CISD2: variants seen among roughly 807,000 people sequenced by gnomAD.
The protein encoded by CISD2 is CDGSH iron-sulfur domain-containing protein 2.
CISD2 carries 1 observed loss-of-function variant against 12.9 expected under a neutral mutation model. The ratio of observed to expected loss-of-function variants is 0.08; its 90% confidence interval spans 0.03 to 0.37. The LOEUF (loss-of-function observed/expected upper bound fraction) is 0.37. Among genes scored for constraint, CISD2 ranks in the 10% least tolerant of loss-of-function variants. CISD2 has a pLI of 0.99. For missense variants in CISD2, 97 were observed against 163.1 expected, an observed-to-expected ratio of 0.59 and a Z score of 2.21; for synonymous variants, 50 against 60.6, an observed-to-expected ratio of 0.83 and a Z score of 0.81.
intron 2 of CISD2, among the ~76,000 whole-genome samples, chr4:102,887,023 G>A (rs1733962044): frequency 6.6e-6 from 1 of 152,116 alleles, no homozygotes; most frequent in Admixed American, 6.5e-5. Context: ...TTAAGCAATA[G>A]GTGAGCTCGA....
At chr4:102,880,892 C>T (rs533083837) in intron 1 of CISD2, among the ~76,000 whole-genome samples, 2 of 150,528 alleles carry the variant, frequency 1.3e-5, no homozygotes, top group East Asian at 3.9e-4. Context: ...CTCGGGAGGT[C>T]ACTGAGGCAC....
At chr4:102,877,884 G>A (rs1052859227) in intron 1 of CISD2, among the ~76,000 whole-genome samples, 3 of 152,178 alleles carry the variant, frequency 2.0e-5, no homozygotes, top group African/African-American at 7.2e-5. Flanking sequence ...TTTTAGCCAT[G>A]GCTGGGACAC....
chr4:102,873,424 A>C lies in CISD2; in HGVS notation c.103+4237A>C, dbSNP rs143132761. ...GTAGCTGGTACTACAGGTGCACGCT[A>C]CCACACCTGGCTCATTTTTTTGTAT... On this transcript the variant is annotated intron_variant, in intron 1 of 2. Transcript: ENST00000273986. Among the ~76,000 whole-genome samples, 22 of 152,102 alleles carry C rather than the reference A, an allele frequency of 1.4e-4. No individual in the cohort carries two copies. In the East Asian group the frequency reaches 4.3e-3, roughly 29 times the overall value.
chr4:102,874,734 C>G (rs1733551048), intron 1 of CISD2: 1 of 152,228 alleles, frequency 6.6e-6, no homozygotes, highest in African/African-American at 2.4e-5. Context: ...AGCACGAACA[C>G]ATTGTTCTCT....
At chr4:102,869,543 A>T (rs890978598) in intron 1 of CISD2, 12 of 701,872 alleles carry the variant, frequency 1.7e-5, no homozygotes, top group Non-Finnish European at 2.6e-6. Flanking sequence ...AAAGCGGGCT[A>T]AGTCGTCGTT....
At chr4:102,873,754 T>C (rs1238929082) in intron 1 of CISD2, among the ~76,000 whole-genome samples, 1 of 134,560 alleles carries the variant, frequency 7.4e-6, no homozygotes, top group Admixed American at 7.5e-5. Flanking sequence ...AAAAAAGGGA[T>C]GTAAAAGTCA....
In CISD2 at chr4:102,891,416, GACAATTT is replaced by G. The variant is rs1734243599; in HGVS notation, c.*3988_*3994del. ...GAACATTAAAGGCATAGCAGCTTGA[GACAATTT>G]ATAGGATTCTGCATACAACTGTCTC... is the stretch of plus-strand genomic sequence containing the variant. On this transcript the variant is annotated 3_prime_UTR_variant, in exon 3 of 3. Coordinates refer to ENST00000273986, the MANE Select transcript of CISD2 (RefSeq NM_001008388.5). 6.6e-6 allele frequency: 1 copy of G among 152,182 alleles called. No homozygotes were observed. The highest frequency in any genetic ancestry group is 1.5e-5 in the Non-Finnish European group (1 of 68,030). The allele number at this position is 152,182 out of a possible 1,614,324, so 9.4% of individuals were successfully genotyped here.
chr4:102,875,333 T>C (rs558280071), intron 1 of CISD2, among the ~76,000 whole-genome samples: 1 of 152,268 alleles, frequency 6.6e-6, no homozygotes, highest in Non-Finnish European at 1.5e-5. Context: ...TGCTTCTGTA[T>C]TATTGCTGAT....
chr4:102,882,708 T>A (rs1476195294), intron 1 of CISD2: 1 of 152,548 alleles, frequency 6.6e-6, no homozygotes, highest in African/African-American at 2.4e-5. Flanking sequence ...TTACTTAATT[T>A]TAATTTATTT....
chr4:102,874,893 C>T (rs1333307508), intron 1 of CISD2, among the ~76,000 whole-genome samples: 1 of 152,166 alleles, frequency 6.6e-6, no homozygotes, highest in East Asian at 1.9e-4. Flanking sequence ...TGTCTTCTTC[C>T]ACTAGCCCTC....
chr4:102,890,925 A>G lies in CISD2; in HGVS notation c.*3495A>G, dbSNP rs1393266850. On this transcript the variant is annotated 3_prime_UTR_variant, in exon 3 of 3. Coordinates refer to ENST00000273986, the MANE Select transcript of CISD2 (RefSeq NM_001008388.5). The stretch of plus-strand genomic sequence containing the variant: ...GTACGAAGTTCGTAGGACAGGAGGA[A>G]ACCAATATAAATATCTCAGCATTGT... 1 of 150,142 alleles carries G rather than the reference A, an allele frequency of 6.7e-6. No homozygotes were observed. The highest frequency in any genetic ancestry group is 1.5e-5 in the Non-Finnish European group (1 of 67,930). The allele number at this position is 150,142 out of a possible 1,614,324, so 9.3% of individuals were successfully genotyped here.
chr4:102,878,760 C>T (rs562831178), intron 1 of CISD2, among the ~76,000 whole-genome samples: 1 of 152,320 alleles, frequency 6.6e-6, no homozygotes, highest in East Asian at 1.9e-4. Flanking sequence ...CTGAGCCCTC[C>T]AAAGTGTTCC....
intron 1 of CISD2, chr4:102,869,394 T>G: frequency 2.7e-6 from 2 of 732,228 alleles, no homozygotes; most frequent in Non-Finnish European, 4.8e-6. Flanking sequence ...CCCAGGGTCT[T>G]TTGTCCTCGG....
chr4:102,869,351 A>G (rs979150647), intron 1 of CISD2, 164 bp downstream of exon 1: 15 of 923,874 alleles, frequency 1.6e-5, no homozygotes, highest in Non-Finnish European at 2.2e-5. Context: ...TGCCTGGGGA[A>G]CGCCTGTGAG....
chr4:102,872,074 A>T (rs1011895948), intron 1 of CISD2, among the ~76,000 whole-genome samples: 1 of 152,116 alleles, frequency 6.6e-6, no homozygotes, highest in Non-Finnish European at 1.5e-5. Context: ...TGTTTAACTT[A>T]GGTTTTTGTT....
At chr4:102,869,284 C>G (rs1036757690) in intron 1 of CISD2, 97 bp downstream of exon 1, 4 of 1,476,564 alleles carry the variant, frequency 2.7e-6, no homozygotes, top group Non-Finnish European at 3.7e-6. Context: ...GGACGGAGCT[C>G]GGCGCCTGGC....
rs1316442192 is a variant in CISD2 at position 102,889,405 on chromosome 4, TC to T, written c.*1976del. On this transcript the variant is annotated 3_prime_UTR_variant, in exon 3 of 3. Coordinates refer to ENST00000273986, the MANE Select transcript of CISD2 (RefSeq NM_001008388.5). ...ATCCTGATCTGTGTTCATGAAATGC[TC>T]TTCTTTTTGTAAAATCTATCACTGC... 1 of 152,214 alleles carries T rather than the reference TC, an allele frequency of 6.6e-6. No homozygotes were observed. Among genetic ancestry groups the T allele is most frequent in the Non-Finnish European group, 1.5e-5 (1 of 68,044 alleles). 9.4% of individuals were successfully genotyped at this position (152,214 alleles called of 1,614,324 possible).
chr4:102,879,943 A>T (rs1378862437), intron 1 of CISD2, among the ~76,000 whole-genome samples: 5 of 151,520 alleles, frequency 3.3e-5, no homozygotes, highest in Non-Finnish European at 7.4e-5. Context: ...TTTATTTTTT[A>T]TTTTTTTTAT....
At chr4:102,882,913 A>AT (rs1733758949) in intron 1 of CISD2, 1 of 151,830 alleles carries the variant, frequency 6.6e-6, no homozygotes, top group Admixed American at 6.6e-5. Flanking sequence ...CGCCTGGATA[A>AT]TTTTTTGTAT....
Sources: allele counts gnomAD v4.1 joint callset (sites outside exome capture counted in the v4.1 genomes callset), GRCh38; gene constraint gnomAD v4.1.1; transcripts MANE v1.5; gene names NCBI Gene and HGNC (gene_info 2026-07-23, HGNC 2026-07-21).